DOK7: variants seen among roughly 807,000 people sequenced by gnomAD.
DOK7 encodes the protein protein Dok-7.
In DOK7, 32 loss-of-function variants were observed where a neutral mutation model predicts 30.7. That is an observed-to-expected ratio of 1.04 (90% CI 0.79 to 1.40). The LOEUF is 1.40. Ranked by LOEUF, DOK7 falls within the 40% of genes most tolerant of loss-of-function variation. The pLI is 0.00. For missense variants in DOK7, 1,007 were observed against 699.2 expected (o/e 1.44, Z -4.97); for synonymous variants, 447 against 324.1 (o/e 1.38, Z -4.07).
intron 2 of DOK7, among the ~76,000 whole-genome samples, 196 bp from the exon 3 acceptor site, chr4:3,473,210 G>T (rs1726863004): frequency 6.6e-6 from 1 of 152,248 alleles, no homozygotes; most frequent in Non-Finnish European, 1.5e-5. Flanking sequence ...TTCCGCTCTT[G>T]CAGCCTGTGG....
At chr4:3,479,865 G>T (rs1242457133) in intron 4 of DOK7, among the ~76,000 whole-genome samples, 1 of 152,216 alleles carries the variant, frequency 6.6e-6, no homozygotes, top group East Asian at 1.9e-4. Context: ...CGTCTCTGTT[G>T]GTCACGGGCC....
rs1262604458 is a variant in DOK7, at chr4:3,494,228, T to C, written c.*727T>C. On this transcript the variant is annotated 3_prime_UTR_variant, in exon 7 of 7. Transcript: ENST00000340083. ...GGTGGGAGCTCTGCTGGCTCCTGTC[T>C]GAACCTCCTCGCAGGGCCAAAGGCT... 3.0e-6 allele frequency: 3 copies of C among 985,528 alleles called. No homozygotes were observed. Among genetic ancestry groups the C allele is most frequent in the African/African-American group, 1.7e-5 (1 of 57,376 alleles). The allele number at this position is 985,528 out of a possible 1,614,324, so 61.0% of individuals were successfully genotyped here. A position where few individuals can be genotyped will look rare whatever the true frequency, so the allele number is the denominator to read the frequency against.
chr4:3,473,646 G>T lies in DOK7; in HGVS notation c.331+10G>T. ...TATGCGCTCGGCGAGGGTGAGTGACGGGGGCCGGGGCCGGGCGGGGGCTCC... is the reference window on the plus strand; with the variant it reads ...TATGCGCTCGGCGAGGGTGAGTGACTGGGGCCGGGGCCGGGCGGGGGCTCC... On this transcript the variant is annotated intron_variant, in intron 3 of 6. Transcript: ENST00000340083. 1 of 1,542,700 alleles carries T rather than the reference G, an allele frequency of 6.5e-7. No individual in the cohort carries two copies. Among genetic ancestry groups the T allele is most frequent in the African/African-American group, 1.4e-5 (1 of 73,280 alleles).
intron 2 of DOK7, among the ~76,000 whole-genome samples, chr4:3,467,195 C>G (rs1233195396): frequency 2.6e-5 from 4 of 151,456 alleles, no homozygotes; most frequent in Non-Finnish European, 5.9e-5. Flanking sequence ...GGACCCCCCC[C>G]ACTGCGTCCC....
chr4:3,499,937 A>T (rs1729109590), intron 6 of DOK7, among the ~76,000 whole-genome samples: 1 of 151,514 alleles, frequency 6.6e-6, no homozygotes, highest in Non-Finnish European at 1.5e-5. Context: ...GCAGGGACAG[A>T]AGAGTGGGCC....
At chr4:3,473,297 A>C in intron 2 of DOK7, 109 bp from the exon 3 acceptor site, 1 of 1,059,556 alleles carries the variant, frequency 9.4e-7, no homozygotes, top group Non-Finnish European at 1.4e-6. Context: ...GGCTGGCTTG[A>C]GGTCATGACC....
intron 2 of DOK7, among the ~76,000 whole-genome samples, chr4:3,470,071 G>A (rs1275235651): frequency 5.3e-5 from 8 of 152,214 alleles, no homozygotes; most frequent in African/African-American, 1.9e-4. Flanking sequence ...CTCTGCAGTC[G>A]AGGGGCCCGT....
At position 3,500,963 on chromosome 4, in the gene DOK7, G is replaced by T. The variant is rs1419624551; in HGVS notation, c.*138G>T. ...GCAGGAGCAGGCATGGCCGGTCTCC[G>T]GGCCATGGTGCAAACAGGAAGTTTT... On this transcript the variant is annotated 3_prime_UTR_variant, in exon 8 of 8. Transcript: ENST00000643608. 32 of 1,327,752 alleles carry T rather than the reference G, an allele frequency of 2.4e-5. No individual in the cohort carries two copies. The South Asian group carries it at 4.5e-4, about 19-fold the overall frequency. 82.2% of individuals were successfully genotyped at this position (1,327,752 alleles called of 1,614,324 possible).
chr4:3,468,249 AGT>A (rs545054372), intron 2 of DOK7, among the ~76,000 whole-genome samples: 14 of 147,936 alleles, frequency 9.5e-5, no homozygotes, highest in East Asian at 2.0e-4. Context: ...TATGTGTGCA[AGT>A]GTGTGTCCGC....
At chr4:3,486,096 C>T (rs1197433635) in intron 5 of DOK7, among the ~76,000 whole-genome samples, 1 of 152,224 alleles carries the variant, frequency 6.6e-6, no homozygotes, top group South Asian at 2.1e-4. Flanking sequence ...TGCCTGAGCC[C>T]GGTGTTTAGG....
At chr4:3,499,019 C>T (rs1729061557), downstream of DOK7, among the ~76,000 whole-genome samples, 1 of 152,230 alleles carries the variant, frequency 6.6e-6, no homozygotes, top group African/African-American at 2.4e-5. Flanking sequence ...GAAAGTTCCT[C>T]ACCCCTAGCC....
rs181099868 is a variant in DOK7 at position 3,465,911 on chromosome 4, C to A, written c.100+2360C>A. ...GCATGCCAGCGGCGCCTGGCCCAGC[C>A]CCTCTCTTCTTCCTCCCAGGTGCGG... On this transcript the variant is annotated intron_variant, in intron 2 of 6. Coordinates refer to ENST00000340083, the MANE Select transcript of DOK7 (RefSeq NM_173660.5). Among the ~76,000 whole-genome samples, 252 of 152,318 alleles carry A rather than the reference C, an allele frequency of 1.7e-3. 4 individuals carry two copies. Among genetic ancestry groups the A allele is most frequent in the Non-Finnish European group, 5.1e-4 (35 of 68,022 alleles).
intron 5 of DOK7, among the ~76,000 whole-genome samples, chr4:3,488,528 A>G (rs937076115): frequency 2.0e-5 from 3 of 152,180 alleles, no homozygotes; most frequent in East Asian, 1.9e-4. Flanking sequence ...AGCCTCCGCC[A>G]GGCTGGGTTC....
Position 3,473,452 on chromosome 4 carries a change from G to A in DOK7, c.147G>A (p.Lys49=), listed in dbSNP as rs773830717. The change falls in exon 3 of 7, where the codon AAG becomes AAA. Residue 49 remains lysine (K), a synonymous_variant. Transcript: ENST00000340083. ...ACAAGGACAAGTCGGAGCGTATCAA[G>A]GGCCTGCGGGAGCGCAGCAGCCTGA... ...LVYKDKSERI[K]GLRERSSLTL... 6 of 1,611,064 alleles carry A rather than the reference G, an allele frequency of 3.7e-6. No individual in the cohort carries two copies. The highest frequency in any genetic ancestry group is 5.1e-6 in the Non-Finnish European group (6 of 1,179,760).
At chr4:3,480,201 C>A (rs1381837587) in intron 4 of DOK7, among the ~76,000 whole-genome samples, 2 of 152,146 alleles carry the variant, frequency 1.3e-5, no homozygotes, top group Non-Finnish European at 2.9e-5. Flanking sequence ...CCCCCTTTTT[C>A]CCCCCTTACC....
chr4:3,463,659 C>T, intron 2 of DOK7, 108 bp downstream of exon 2: 1 of 1,393,502 alleles, frequency 7.2e-7, no homozygotes, highest in Non-Finnish European at 9.8e-7. Context: ...TGTCACCCCG[C>T]CGGGAAACCC....
chr4:3,499,341 TG>T (rs1006109073), downstream of DOK7, among the ~76,000 whole-genome samples: 6 of 151,828 alleles, frequency 4.0e-5, no homozygotes, highest in South Asian at 2.1e-4. Context: ...GCTCAGGGAA[TG>T]GGGGGGGACT....
At chr4:3,487,875 C>G (rs149842871) in intron 5 of DOK7, among the ~76,000 whole-genome samples, 1 of 152,334 alleles carries the variant, frequency 6.6e-6, no homozygotes, top group African/African-American at 2.4e-5. Context: ...GTTGTGCTGT[C>G]CTGTCACTGT....
Position 3,493,157 on chromosome 4 carries a change from G to C in DOK7, c.1171G>C (p.Gly391Arg). ...GCCCAGCCTGTGCACCTGCCTGCCC[G>C]GGACAGTCGAGTACCAGGTGCCCAC... ...PEPSLCTCLPGTVEYQVPTSL... is the reference protein window; with the variant it reads ...PEPSLCTCLPRTVEYQVPTSL... The change falls in exon 7 of 7, where the codon GGG (glycine) becomes CGG (arginine). Residue 391 changes from glycine (G) to arginine (R), a missense_variant. Physicochemically the swap from Gly to Arg is moderately radical, Grantham distance 125. Coordinates refer to ENST00000340083, the MANE Select transcript of DOK7 (RefSeq NM_173660.5). 6.2e-7 allele frequency: 1 copy of C among 1,605,704 alleles called. No homozygotes were observed. The highest frequency in any genetic ancestry group is 8.5e-7 in the Non-Finnish European group (1 of 1,177,494).
Sources: gnomAD v4.1 joint callset for allele counts (sites outside exome capture counted in the v4.1 genomes callset) on GRCh38, gnomAD v4.1.1 for gene constraint, MANE v1.5 for transcripts, NCBI Gene and HGNC (gene_info 2026-07-23, HGNC 2026-07-21) for gene names.